Variants in DAB1 observed in about 807,000 individuals in gnomAD.
DAB1 encodes the protein DAB adaptor protein 1.
A neutral mutation model predicts 64.6 loss-of-function variants in DAB1; 15 were observed. That is an observed-to-expected ratio of 0.23 (90% CI 0.16 to 0.36). The LOEUF (loss-of-function observed/expected upper bound fraction) is 0.36, where lower values mean the gene tolerates loss of function less well. Among genes scored for constraint, DAB1 ranks in the 10% least tolerant of loss-of-function variants. The pLI, the probability that DAB1 is intolerant of heterozygous loss-of-function variation, is 1.00. For synonymous variants in DAB1, 235 were observed against 251.9 expected, an observed-to-expected ratio of 0.93 and a Z score of 0.64; for missense variants, 596 against 706.7, an observed-to-expected ratio of 0.84 and a Z score of 1.78.
At chr1:57,120,973 A>T (rs367741517) in intron 4 of DAB1, among the ~76,000 whole-genome samples, 1 of 152,110 alleles carries the variant, frequency 6.6e-6, no homozygotes, top group African/African-American at 2.4e-5. Context: ...TCAATCAGGG[A>T]AGAATTCCTG....
chr1:58,404,121 C>T (rs1644595496), intron 3 of DAB1, among the ~76,000 whole-genome samples: 1 of 152,180 alleles, frequency 6.6e-6, no homozygotes, highest in African/African-American at 2.4e-5. Context: ...TCAGGGCCAA[C>T]AGTGCAGCCA....
intron 7 of DAB1, among the ~76,000 whole-genome samples, chr1:57,475,429 A>G (rs1643924329): frequency 6.6e-6 from 1 of 152,242 alleles, no homozygotes. Flanking sequence ...GGCTTAACAC[A>G]GTGCCTGCCC....
At chr1:57,949,993 G>A (rs1645248418) in intron 5 of DAB1, among the ~76,000 whole-genome samples, 1 of 152,076 alleles carries the variant, frequency 6.6e-6, no homozygotes, top group South Asian at 2.1e-4. Context: ...CAAGGTTGTT[G>A]AGCTAGTTGG....
At chr1:57,654,855 T>G (rs1203791371) in intron 6 of DAB1, among the ~76,000 whole-genome samples, 1 of 152,198 alleles carries the variant, frequency 6.6e-6, no homozygotes, top group Non-Finnish European at 1.5e-5. Flanking sequence ...ACTCAATAAA[T>G]CCTTTCCTAC....
At chr1:57,781,713 GAA>G (rs3081035) in intron 6 of DAB1, among the ~76,000 whole-genome samples, 483 of 135,618 alleles carry the variant, frequency 3.6e-3, no homozygotes, top group African/African-American at 8.6e-3. Flanking sequence ...AAGCAATTGA[GAA>G]AAAAAAAAAA....
intron 3 of DAB1, among the ~76,000 whole-genome samples, chr1:58,393,054 ACT>A (rs1644488956): frequency 6.9e-6 from 1 of 145,950 alleles, no homozygotes; most frequent in African/African-American, 2.5e-5. Context: ...AAACACTCTC[ACT>A]CTGAGTTCAG....
At chr1:57,209,963 T>C (rs953908188) in intron 2 of DAB1, among the ~76,000 whole-genome samples, 8 of 152,222 alleles carry the variant, frequency 5.3e-5, no homozygotes, top group Admixed American at 2.0e-4. Flanking sequence ...AAGACCTAAA[T>C]TGAAATCTCA....
chr1:58,456,170 AAGGGAAGGTCAAATG>A (rs1234634345), intron 3 of DAB1, among the ~76,000 whole-genome samples: 1 of 152,254 alleles, frequency 6.6e-6, no homozygotes, highest in Non-Finnish European at 1.5e-5. Context: ...GTAACACTGT[AAGGGAAGGTCAAATG>A]AGGGAGAGCA....
chr1:57,337,552 C>A (rs993850667), intron 1 of DAB1, among the ~76,000 whole-genome samples: 10 of 152,202 alleles, frequency 6.6e-5, no homozygotes, highest in Middle Eastern at 6.8e-3. Context: ...CTCTCAGTGT[C>A]TCTCCTATGT....
At chr1:57,152,922 A>G (rs1297225688) in intron 2 of DAB1, among the ~76,000 whole-genome samples, 1 of 152,190 alleles carries the variant, frequency 6.6e-6, no homozygotes, top group Non-Finnish European at 1.5e-5. Flanking sequence ...CCAGTTTTAC[A>G]ATCACATACC....
intron 7 of DAB1, among the ~76,000 whole-genome samples, chr1:57,581,758 A>G (rs964232896): frequency 6.7e-6 from 1 of 150,054 alleles, no homozygotes; most frequent in Non-Finnish European, 1.5e-5. Flanking sequence ...ATTAATTATT[A>G]TGTATTTTCA....
At chr1:57,830,164 T>C (rs1358953017) in intron 1 of DAB1, among the ~76,000 whole-genome samples, 2 of 152,176 alleles carry the variant, frequency 1.3e-5, no homozygotes, top group Admixed American at 6.5e-5. Context: ...AGAACCCAGG[T>C]ACCTTGTCAC....
chr1:57,234,689 C>T (rs1569995287), intron 2 of DAB1, among the ~76,000 whole-genome samples: 1 of 152,140 alleles, frequency 6.6e-6, no homozygotes, highest in Non-Finnish European at 1.5e-5. Context: ...TGCTCAGGGT[C>T]TCACTAGGCC....
intron 5 of DAB1, among the ~76,000 whole-genome samples, chr1:57,990,868 G>A (rs1390935021): frequency 6.6e-6 from 1 of 152,176 alleles, no homozygotes; most frequent in African/African-American, 2.4e-5. Context: ...CACACACACA[G>A]TGTTTAGGGT....
chr1:58,166,749 CGTT>C (rs1655855960), intron 4 of DAB1, among the ~76,000 whole-genome samples: 1 of 137,290 alleles, frequency 7.3e-6, no homozygotes, highest in African/African-American at 2.8e-5. Flanking sequence ...TTTGTTTGTT[CGTT>C]TTTTTTTTTT....
intron 1 of DAB1, among the ~76,000 whole-genome samples, chr1:57,346,011 G>A (rs561627017): frequency 3.3e-5 from 5 of 152,318 alleles, no homozygotes; most frequent in Admixed American, 2.0e-4. Flanking sequence ...ATTTAAAAAC[G>A]AAAACCCTGA....
chr1:57,810,846 A>G (rs1651584467), intron 6 of DAB1, among the ~76,000 whole-genome samples: 1 of 152,234 alleles, frequency 6.6e-6, no homozygotes, highest in Non-Finnish European at 1.5e-5. Context: ...AGCAACAGAA[A>G]GTTACTCTTT....
At chr1:57,964,613 A>G (rs1645607313) in intron 5 of DAB1, among the ~76,000 whole-genome samples, 1 of 151,822 alleles carries the variant, frequency 6.6e-6, no homozygotes, top group Non-Finnish European at 1.5e-5. Context: ...TGACATTACA[A>G]TTGTTTACAC....
intron 6 of DAB1, among the ~76,000 whole-genome samples, chr1:57,726,844 A>G (rs1288925992): frequency 1.3e-5 from 2 of 152,172 alleles, no homozygotes; most frequent in African/African-American, 4.8e-5. Flanking sequence ...ACTGTAAACT[A>G]CCTCTGATGG....
Sources: allele counts gnomAD v4.1 joint callset (sites outside exome capture counted in the v4.1 genomes callset), GRCh38; gene constraint gnomAD v4.1.1; transcripts MANE v1.5; gene names NCBI Gene and HGNC (gene_info 2026-07-23, HGNC 2026-07-21).